MS4A6E: variants seen among roughly 807,000 people sequenced by gnomAD.
The protein encoded by MS4A6E is membrane spanning 4-domains A6E.
In MS4A6E, 8 loss-of-function variants were observed where a neutral mutation model predicts 13.2. The ratio of observed to expected loss-of-function variants is 0.60; its 90% confidence interval spans 0.35 to 1.09. MS4A6E has a LOEUF of 1.09. Among genes scored for constraint, MS4A6E ranks in the 50% least tolerant of loss-of-function variants. MS4A6E has a pLI of 0.02. For synonymous variants in MS4A6E, 72 were observed against 67.6 expected, an observed-to-expected ratio of 1.06 and a Z score of -0.32; for missense variants, 177 against 171.1, an observed-to-expected ratio of 1.03 and a Z score of -0.19.
At chr11:60,343,182 A>T (rs2085238962), downstream of MS4A6E, among the ~76,000 whole-genome samples, 1 of 152,200 alleles carries the variant, frequency 6.6e-6, no homozygotes, top group Admixed American at 6.5e-5. Flanking sequence ...ACAGGGTTTG[A>T]ATATGAGTAT....
At chr11:60,344,701 C>T (rs1312086027), downstream of MS4A6E, among the ~76,000 whole-genome samples, 1 of 152,120 alleles carries the variant, frequency 6.6e-6, no homozygotes, top group East Asian at 1.9e-4. Flanking sequence ...CTTTATGGAA[C>T]CTTCCCAGAT....
At chr11:60,329,060 G>A (rs577197344) in intron 1 of MS4A6E, among the ~76,000 whole-genome samples, 9 of 152,220 alleles carry the variant, frequency 5.9e-5, no homozygotes, top group African/African-American at 1.9e-4. Flanking sequence ...TTGTTACACA[G>A]GTATACACGT....
At chr11:60,342,171 GTGTGTGTGAGAGAGAGAGAGAGAGAGAGA>G, downstream of MS4A6E, among the ~76,000 whole-genome samples, 1 of 33,234 alleles carries the variant, frequency 3.0e-5, no homozygotes, top group African/African-American at 1.1e-4. Context: ...GTGTGTGTGT[GTGTGTGTGAGAGAGAGAGAGAGAGAGAGA>G]GGGGGGGGGA....
Position 60,337,774 on chromosome 11 carries a change from G to A in MS4A6E, c.181G>A (p.Ala61Thr), listed in dbSNP as rs912772651. The A allele has an allele frequency of 7.4e-6, 12 of 1,614,204 alleles. No individual in the cohort carries two copies. The highest frequency in any genetic ancestry group is 7.6e-6 in the Non-Finnish European group (9 of 1,180,046). ...CAGCCTGGCTGGAAGCATTCTGAGT[G>A]CTCTGTCTGCCCTGGTGGGTTTCAT... ...HSSLAGSILS[A>T]LSALVGFILL... Residue 61 changes from alanine (A) to threonine (T), a missense_variant, in exon 3 of 5, where the codon GCT becomes ACT. Transcript: ENST00000684409.
chr11:60,340,043 T>C (rs1433073148), intron 4 of MS4A6E, 79 bp downstream of exon 4: 2 of 1,582,784 alleles, frequency 1.3e-6, no homozygotes, highest in Non-Finnish European at 1.7e-6. Context: ...TCACCAAGAG[T>C]GGTAGAAGGA....
intron 4 of MS4A6E, among the ~76,000 whole-genome samples, chr11:60,348,440 T>C (rs1199864757): frequency 6.6e-6 from 1 of 152,220 alleles, no homozygotes; most frequent in Non-Finnish European, 1.5e-5. Context: ...ATTCCCAGTT[T>C]ATATGGCATT....
chr11:60,335,969 G>A (rs1324457086), intron 2 of MS4A6E, among the ~76,000 whole-genome samples: 1 of 152,124 alleles, frequency 6.6e-6, no homozygotes, highest in Admixed American at 6.5e-5. Flanking sequence ...GGTGGAGGGT[G>A]GGAGGAGGGA....
downstream of MS4A6E, among the ~76,000 whole-genome samples, chr11:60,345,289 A>C (rs930165973): frequency 1.2e-4 from 19 of 152,222 alleles, no homozygotes; most frequent in African/African-American, 4.6e-4. Context: ...TTTCCTTCCA[A>C]ATGGCACCAT....
chr11:60,329,382 C>T (rs2085139982), intron 1 of MS4A6E, among the ~76,000 whole-genome samples: 1 of 152,232 alleles, frequency 6.6e-6, no homozygotes, highest in South Asian at 2.1e-4. Flanking sequence ...TTTTCTTTAT[C>T]CAGTCTATCA....
rs558163079 is a variant in MS4A6E at position 60,340,561 on chromosome 11, C to G, written c.*10-215C>G. Among the ~76,000 whole-genome samples the G allele has an allele frequency of 1.5e-3, 233 of 152,232 alleles. 1 individual carries two copies. The highest frequency in any genetic ancestry group is 5.4e-3 in the African/African-American group (226 of 41,542). On this transcript the variant is annotated intron_variant, in intron 4 of 4. Transcript: ENST00000684409. ...ACTGAATTTAAAAGCCTTGATTTATCCAGAATTTTATTATAGAGAATAGAA... is the reference window on the plus strand; with the variant it reads ...ACTGAATTTAAAAGCCTTGATTTATGCAGAATTTTATTATAGAGAATAGAA...
intron 1 of MS4A6E, among the ~76,000 whole-genome samples, chr11:60,332,818 A>C (rs1423848127): frequency 6.6e-6 from 1 of 152,272 alleles, no homozygotes; most frequent in East Asian, 1.9e-4. Flanking sequence ...ACAAAGAGAA[A>C]GCAATTGATC....
intron 1 of MS4A6E, among the ~76,000 whole-genome samples, chr11:60,329,770 G>T (rs988739565): frequency 6.8e-6 from 1 of 147,804 alleles, no homozygotes; most frequent in Non-Finnish European, 1.5e-5. Context: ...TCCTATGTTT[G>T]TTAGCCATAT....
At chr11:60,329,000 T>G (rs1237100083) in intron 1 of MS4A6E, among the ~76,000 whole-genome samples, 1 of 152,158 alleles carries the variant, frequency 6.6e-6, no homozygotes, top group Non-Finnish European at 1.5e-5. Context: ...ATTTTTAAAT[T>G]TTTATTATTA....
chr11:60,343,415 T>C (rs2085241197), downstream of MS4A6E, among the ~76,000 whole-genome samples: 1 of 152,202 alleles, frequency 6.6e-6, no homozygotes, highest in Admixed American at 6.5e-5. Flanking sequence ...TTACAGCAAT[T>C]AGAATTTTCC....
intron 1 of MS4A6E, among the ~76,000 whole-genome samples, chr11:60,332,041 T>C (rs2085159538): frequency 6.6e-6 from 1 of 152,260 alleles, no homozygotes; most frequent in Admixed American, 6.5e-5. Flanking sequence ...ATGGTATTTT[T>C]GTTATAACAG....
chr11:60,341,879 A>C (rs989296305), downstream of MS4A6E, among the ~76,000 whole-genome samples: 1 of 152,036 alleles, frequency 6.6e-6, no homozygotes, highest in Non-Finnish European at 1.5e-5. Flanking sequence ...CATTTCTTTT[A>C]TTTATTTGCC....
downstream of MS4A6E, among the ~76,000 whole-genome samples, chr11:60,344,139 A>T (rs546844508): frequency 1.3e-5 from 2 of 152,218 alleles, no homozygotes; most frequent in African/African-American, 4.8e-5. Context: ...AAGACCATCC[A>T]TACAGCATTT....
intron 1 of MS4A6E, among the ~76,000 whole-genome samples, chr11:60,328,425 G>A (rs1453514389): frequency 6.6e-6 from 1 of 152,036 alleles, no homozygotes; most frequent in Non-Finnish European, 1.5e-5. Context: ...ACAGTGGAGG[G>A]GTGATCCCAG....
rs1397489008 is a variant in MS4A6E, at chr11:60,334,841, C to T, written c.-14-41C>T. The T allele has an allele frequency of 4.4e-6, 7 of 1,601,034 alleles. No individual in the cohort carries two copies. The Admixed American group carries it at 1.0e-4, about 23-fold the overall frequency. ...CAGTTTTGCAGCCAGAACTTGGGAG[C>T]TCTGTACTTTTAAGAGCTAAATCTA... On this transcript the variant is annotated intron_variant, in intron 1 of 4. Transcript: ENST00000684409.
Sources: gnomAD v4.1 joint callset for allele counts (sites outside exome capture counted in the v4.1 genomes callset) on GRCh38, gnomAD v4.1.1 for gene constraint, MANE v1.5 for transcripts, NCBI Gene and HGNC (gene_info 2026-07-23, HGNC 2026-07-21) for gene names.